The following PCDH9 variants were observed in gnomAD, a reference collection of about 807,000 sequenced individuals.
PCDH9 encodes protocadherin-9.
PCDH9 carries 24 observed loss-of-function variants against 70.6 expected under a neutral mutation model. The ratio of observed to expected loss-of-function variants is 0.34; its 90% CI spans 0.25 to 0.48. The LOEUF (loss-of-function observed/expected upper bound fraction) is 0.48, where lower values mean the gene tolerates loss of function less well. Among genes scored for constraint, PCDH9 ranks in the 20% least tolerant of loss-of-function variants. PCDH9 has a pLI of 0.99. For synonymous variants in PCDH9, 562 were observed against 558.5 expected (o/e 1.01, Z -0.09); for missense variants, 1,281 against 1,503.6 (o/e 0.85, Z 2.45).
intron 3 of PCDH9, among the ~76,000 whole-genome samples, chr13:66,668,690 T>A (rs2078130160): frequency 6.6e-6 from 1 of 152,174 alleles, no homozygotes. Context: ...GAATCTGGCT[T>A]TCATCAGTGA....
intron 3 of PCDH9, among the ~76,000 whole-genome samples, chr13:66,714,611 T>A (rs760206815): frequency 1.2e-4 from 19 of 152,206 alleles, no homozygotes; most frequent in Non-Finnish European, 2.2e-4. Context: ...TCTGGCTTAC[T>A]TAGGCGTTCA....
At chr13:66,409,374 T>C (rs1048617567) in intron 4 of PCDH9, among the ~76,000 whole-genome samples, 3 of 152,208 alleles carry the variant, frequency 2.0e-5, no homozygotes, top group African/African-American at 7.2e-5. Context: ...CATATTTACT[T>C]TGGTTTGCAC....
intron 4 of PCDH9, among the ~76,000 whole-genome samples, chr13:66,582,958 A>C (rs1222478800): frequency 1.3e-5 from 2 of 152,248 alleles, no homozygotes; most frequent in East Asian, 3.9e-4. Flanking sequence ...ACACATGATT[A>C]TCTCTCATCT....
chr13:66,992,486 G>T (rs571303855), intron 2 of PCDH9, among the ~76,000 whole-genome samples: 16 of 152,266 alleles, frequency 1.1e-4, no homozygotes, highest in African/African-American at 3.6e-4. Context: ...TTTAACTCCT[G>T]TTCCTCTTTG....
At position 67,133,920 on chromosome 13, in the gene PCDH9, C is replaced by G. The variant is rs141747784; in HGVS notation, c.3036+91485G>C. Among the ~76,000 whole-genome samples the G allele has an allele frequency of 2.2e-3, 329 of 152,168 alleles. 3 individuals carry two copies. The highest frequency in any genetic ancestry group is 7.4e-3 in the African/African-American group (307 of 41,542). ...TGGGGAAAACTTCTACCTAAAGATA[C>G]CTACAGATGTTCATAGTCAAATTTC... On this transcript the variant is annotated intron_variant, in intron 2 of 4. Coordinates refer to ENST00000377865, the MANE Select transcript of PCDH9 (RefSeq NM_203487.3).
chr13:66,865,750 T>C (rs2081563076), intron 3 of PCDH9, among the ~76,000 whole-genome samples: 2 of 152,238 alleles, frequency 1.3e-5, no homozygotes, highest in Non-Finnish European at 2.9e-5. Flanking sequence ...GAGATCATTT[T>C]CATTTTATAC....
rs139003814 is a variant in PCDH9 at position 66,782,189 on chromosome 13, T to G, written c.3138+121315A>C. Among the ~76,000 whole-genome samples the G allele has an allele frequency of 3.0e-4, 46 of 152,268 alleles. No homozygotes were observed. The East Asian group carries it at 7.7e-3, about 26-fold the overall frequency. ...TTGTTAAGAATTTACAAGCATTTTA[T>G]TGATGAAATGAAAAAATCCTTAATT... On this transcript the variant is annotated intron_variant, in intron 3 of 4. Coordinates refer to ENST00000377865, the MANE Select transcript of PCDH9 (RefSeq NM_203487.3).
Position 67,211,470 on chromosome 13 carries a change from C to G in PCDH9, c.3036+13935G>C, listed in dbSNP as rs547827551. 446 of 152,056 alleles carry G rather than the reference C, an allele frequency of 2.9e-3. 3 individuals are homozygous for G. Among genetic ancestry groups the G allele is most frequent in the African/African-American group, 0.011 (437 of 41,532 alleles). 9.4% of individuals were successfully genotyped at this position (152,056 alleles called of 1,614,324 possible). On this transcript the variant is annotated intron_variant, in intron 2 of 4. Transcript: ENST00000377865. Reference sequence around the variant, plus strand: ...ATTATATGCATTATTTTTTAAAATACAAATTTTTGGCTTAAATAAAAATTT... The same window carrying G: ...ATTATATGCATTATTTTTTAAAATAGAAATTTTTGGCTTAAATAAAAATTT...
At chr13:66,950,726 G>A (rs1025577398) in intron 2 of PCDH9, among the ~76,000 whole-genome samples, 13 of 152,022 alleles carry the variant, frequency 8.6e-5, no homozygotes, top group Non-Finnish European at 1.5e-4. Flanking sequence ...GCACTGCCAG[G>A]ACCTTGACAA....
intron 4 of PCDH9, among the ~76,000 whole-genome samples, chr13:66,532,994 A>G (rs1960533822): frequency 6.6e-6 from 1 of 152,156 alleles, no homozygotes; most frequent in African/African-American, 2.4e-5. Context: ...AAGAAGTTAA[A>G]AGGTCACCTT....
At chr13:66,698,069 G>A (rs983659000) in intron 3 of PCDH9, among the ~76,000 whole-genome samples, 2 of 152,118 alleles carry the variant, frequency 1.3e-5, no homozygotes, top group Non-Finnish European at 2.9e-5. Flanking sequence ...AGTACCTAGG[G>A]TTGTCAAATT....
intron 3 of PCDH9, among the ~76,000 whole-genome samples, chr13:66,642,544 A>AT (rs946908856): frequency 2.0e-4 from 30 of 151,998 alleles, no homozygotes; most frequent in Admixed American, 1.8e-3. Context: ...ACACCACTAG[A>AT]TTTTTTAAAG....
intron 3 of PCDH9, among the ~76,000 whole-genome samples, chr13:66,632,151 T>C (rs1482941114): frequency 6.6e-6 from 1 of 152,120 alleles, no homozygotes; most frequent in Non-Finnish European, 1.5e-5. Flanking sequence ...CGCCTTGGCC[T>C]CCCAAAGTGC....
At chr13:67,000,497 TA>T (rs60553013) in intron 2 of PCDH9, among the ~76,000 whole-genome samples, 97,883 of 150,650 alleles carry the variant, frequency 0.65, 32,902 homozygotes, top group East Asian at 0.95. Context: ...TAAAATAAAA[TA>T]AAAAAAAGAC....
At chr13:66,978,320 T>C (rs985624172) in intron 2 of PCDH9, 4 of 151,840 alleles carry the variant, frequency 2.6e-5, no homozygotes, top group African/African-American at 4.8e-5. Flanking sequence ...GTAAAGTAAC[T>C]CTGCAAACCA....
chr13:66,489,792 A>G (rs1717971774), intron 4 of PCDH9, among the ~76,000 whole-genome samples: 1 of 152,174 alleles, frequency 6.6e-6, no homozygotes, highest in African/African-American at 2.4e-5. Flanking sequence ...ATACATTCTT[A>G]GCAGCTTAAA....
intron 4 of PCDH9, among the ~76,000 whole-genome samples, chr13:66,347,866 T>C (rs1040289192): frequency 6.6e-6 from 1 of 152,190 alleles, no homozygotes; most frequent in African/African-American, 2.4e-5. Context: ...GGAGTTGACA[T>C]GCTCTTCTAC....
At chr13:66,419,106 C>A (rs527846888) in intron 4 of PCDH9, among the ~76,000 whole-genome samples, 13 of 151,908 alleles carry the variant, frequency 8.6e-5, no homozygotes, top group Admixed American at 2.6e-4. Flanking sequence ...AATAGCCTAC[C>A]AACCAAAAAA....
intron 2 of PCDH9, among the ~76,000 whole-genome samples, chr13:67,133,367 T>C (rs1178146308): frequency 6.6e-6 from 1 of 152,066 alleles, no homozygotes; most frequent in African/African-American, 2.4e-5. Context: ...GGCCCCATAA[T>C]AAAATATGCT....
Sources: gnomAD v4.1 joint callset for allele counts (sites outside exome capture counted in the v4.1 genomes callset) on GRCh38, gnomAD v4.1.1 for gene constraint, MANE v1.5 for transcripts, NCBI Gene and HGNC (gene_info 2026-07-23, HGNC 2026-07-21) for gene names.